Variants in SMOC1 observed in about 807,000 individuals in gnomAD.
SMOC1 encodes SPARC-related modular calcium-binding protein 1.
A neutral mutation model predicts 56.3 loss-of-function variants in SMOC1; 22 were observed. That is an observed-to-expected ratio of 0.39 (90% CI 0.28 to 0.56). SMOC1 has a LOEUF of 0.56. Among genes scored for constraint, SMOC1 ranks in the 20% least tolerant of loss-of-function variants. SMOC1 has a pLI of 0.61. For missense variants in SMOC1, 509 were observed against 565.4 expected, an observed-to-expected ratio of 0.90 and a Z score of 1.01; for synonymous variants, 193 against 215.0, an observed-to-expected ratio of 0.90 and a Z score of 0.89.
intron 7 of SMOC1, among the ~76,000 whole-genome samples, chr14:70,006,994 C>A (rs928859450): frequency 6.6e-6 from 1 of 152,214 alleles, no homozygotes; most frequent in Non-Finnish European, 1.5e-5. Context: ...GAGGGGTCCA[C>A]ACAAGGCCAT....
intron 1 of SMOC1, among the ~76,000 whole-genome samples, chr14:69,887,838 A>G (rs1883851946): frequency 6.6e-6 from 1 of 152,178 alleles, no homozygotes; most frequent in African/African-American, 2.4e-5. Context: ...TGCATGGGTC[A>G]GAAACTTTAT....
chr14:69,970,028 C>T (rs567494211), intron 3 of SMOC1, among the ~76,000 whole-genome samples: 1 of 151,992 alleles, frequency 6.6e-6, no homozygotes, highest in Non-Finnish European at 1.5e-5. Flanking sequence ...GAAGAAGCAA[C>T]AAAGAAGCGA....
intron 1 of SMOC1, among the ~76,000 whole-genome samples, chr14:69,920,036 T>G (rs915630936): frequency 2.0e-5 from 3 of 151,918 alleles, no homozygotes; most frequent in Non-Finnish European, 4.4e-5. Flanking sequence ...TCTCTCTCCT[T>G]GGCAGTTGCC....
At chr14:69,965,940 T>G (rs1186285359) in intron 3 of SMOC1, among the ~76,000 whole-genome samples, 1 of 152,128 alleles carries the variant, frequency 6.6e-6, no homozygotes, top group Non-Finnish European at 1.5e-5. Context: ...TCTGCAAAAT[T>G]GAAGGGATCA....
At chr14:69,993,171 G>A (rs1594843792) in intron 6 of SMOC1, among the ~76,000 whole-genome samples, 1 of 152,160 alleles carries the variant, frequency 6.6e-6, no homozygotes, top group African/African-American at 2.4e-5. Flanking sequence ...GGACTGGTTT[G>A]TGTAGGTTGT....
At chr14:69,951,011 A>G (rs1482824154) in intron 1 of SMOC1, among the ~76,000 whole-genome samples, 1 of 152,184 alleles carries the variant, frequency 6.6e-6, no homozygotes, top group Non-Finnish European at 1.5e-5. Flanking sequence ...TTGCAATTAG[A>G]TGACAGCTGG....
At chr14:69,958,416 TATG>T (rs1883264122) in intron 3 of SMOC1, among the ~76,000 whole-genome samples, 2 of 152,198 alleles carry the variant, frequency 1.3e-5, no homozygotes, top group African/African-American at 4.8e-5. Context: ...AAACCAGCCA[TATG>T]ATAATAATAG....
At chr14:70,014,539 G>A (rs1885442436) in intron 10 of SMOC1, among the ~76,000 whole-genome samples, 1 of 152,224 alleles carries the variant, frequency 6.6e-6, no homozygotes, top group African/African-American at 2.4e-5. Flanking sequence ...GGAAGCAGAG[G>A]AGGTAAGAGT....
chr14:69,934,732 C>A (rs115387844), intron 1 of SMOC1, among the ~76,000 whole-genome samples: 1 of 152,174 alleles, frequency 6.6e-6, no homozygotes, highest in African/African-American at 2.4e-5. Flanking sequence ...TGAGCCTTTA[C>A]GTAGTCCAAG....
chr14:70,029,556 T>G (rs1886060939), intron 11 of SMOC1, among the ~76,000 whole-genome samples: 1 of 152,300 alleles, frequency 6.6e-6, no homozygotes, highest in African/African-American at 2.4e-5. Context: ...TTTTGCTCTT[T>G]CCCAAGTCTG....
intron 1 of SMOC1, chr14:69,886,098 C>T (rs572652045): frequency 2.6e-6 from 4 of 1,565,620 alleles, no homozygotes; most frequent in South Asian, 1.1e-5. Flanking sequence ...ACAGCTGGGG[C>T]CGGAGCCACC....
intron 8 of SMOC1, 67 bp from the exon 9 acceptor site, chr14:70,011,418 C>A: frequency 1.4e-6 from 2 of 1,409,992 alleles, no homozygotes; most frequent in Non-Finnish European, 2.0e-6. Flanking sequence ...CATTGCTGGG[C>A]AGTAGTGACT....
chr14:70,013,539 C>G (rs375707621), intron 10 of SMOC1, 48 bp downstream of exon 10: 64 of 1,540,904 alleles, frequency 4.2e-5, no homozygotes, highest in Non-Finnish European at 5.1e-5. Flanking sequence ...TGTGGGGCCC[C>G]TGACTTTTCA....
chr14:69,917,928 G>GA (rs926315302), intron 1 of SMOC1, among the ~76,000 whole-genome samples: 7 of 151,760 alleles, frequency 4.6e-5, no homozygotes, highest in African/African-American at 1.5e-4. Context: ...TGTCCTCTTT[G>GA]AAAAAAAATA....
chr14:69,935,264 C>A (rs1400057851), intron 1 of SMOC1, among the ~76,000 whole-genome samples: 1 of 152,202 alleles, frequency 6.6e-6, no homozygotes, highest in East Asian at 1.9e-4. Flanking sequence ...TTAAGTGTCT[C>A]CTTCAGAGAT....
At chr14:69,964,021 G>T (rs78044097) in intron 3 of SMOC1, among the ~76,000 whole-genome samples, 101 of 152,260 alleles carry the variant, frequency 6.6e-4, no homozygotes, top group African/African-American at 2.4e-3. Flanking sequence ...CTGGGGACTC[G>T]CCTATCCCAC....
At chr14:69,926,886 C>T (rs533451557) in intron 1 of SMOC1, among the ~76,000 whole-genome samples, 3 of 152,328 alleles carry the variant, frequency 2.0e-5, no homozygotes, top group Admixed American at 2.0e-4. Flanking sequence ...CTCTGAACCT[C>T]AGTTAATTTG....
chr14:69,988,246 T>G (rs1434485469), intron 5 of SMOC1, among the ~76,000 whole-genome samples: 2 of 151,984 alleles, frequency 1.3e-5, no homozygotes, highest in African/African-American at 4.8e-5. Flanking sequence ...AAATTTGCCT[T>G]TTTTCTCCCT....
intron 7 of SMOC1, among the ~76,000 whole-genome samples, chr14:70,008,061 TA>T (rs1566708701): frequency 6.6e-6 from 1 of 152,316 alleles, no homozygotes; most frequent in African/African-American, 2.4e-5. Flanking sequence ...GTCAGGCTTT[TA>T]AAAAATTCTT....
Sources: gnomAD v4.1 joint callset for allele counts (sites outside exome capture counted in the v4.1 genomes callset) on GRCh38, gnomAD v4.1.1 for gene constraint, MANE v1.5 for transcripts, NCBI Gene and HGNC (gene_info 2026-07-23, HGNC 2026-07-21) for gene names.